Variants in VPS45 observed in about 807,000 individuals in gnomAD.
The protein encoded by VPS45 is vacuolar protein sorting 45 homolog.
In VPS45, 35 loss-of-function variants were observed where a neutral mutation model predicts 75.9. The ratio of observed to expected loss-of-function variants is 0.46; its 90% CI spans 0.35 to 0.61. VPS45 has a LOEUF of 0.61. Ranked by LOEUF, VPS45 falls within the 20% of genes least tolerant of loss-of-function variation. The probability of loss-of-function intolerance (pLI) is 0.00; values close to 1 mark genes in which losing one functional copy is unlikely to be tolerated. For missense variants in VPS45, 559 were observed against 685.9 expected (o/e 0.81, Z 2.07); for synonymous variants, 220 against 238.2 (o/e 0.92, Z 0.70).
chr1:150,110,003 T>C (rs1657555362), intron 13 of VPS45: 1 of 152,242 alleles, frequency 6.6e-6, no homozygotes, highest in African/African-American at 2.4e-5. Flanking sequence ...TTTCCATGTT[T>C]TGGGGACATC....
chr1:150,077,657 T>C lies in VPS45; in HGVS notation c.577-12T>C. 6.3e-7 allele frequency: 1 copy of C among 1,592,850 alleles called. No individual in the cohort carries two copies. Among genetic ancestry groups the C allele is most frequent in the Non-Finnish European group, 8.6e-7 (1 of 1,160,784 alleles). On this transcript the variant is annotated splice_polypyrimidine_tract_variant and intron_variant, in intron 6 of 14. Coordinates refer to ENST00000644510, the MANE Select transcript of VPS45 (RefSeq NM_007259.5). ...GATGGTTGCACAAACCATCTTTCTC[T>C]CTCACCCACAGCAAGTGATAACTAA... is the stretch of plus-strand genomic sequence containing the variant.
chr1:150,106,216 G>A (rs1657315959), intron 13 of VPS45, among the ~76,000 whole-genome samples: 1 of 152,074 alleles, frequency 6.6e-6, no homozygotes, highest in Non-Finnish European at 1.5e-5. Context: ...TTATGACAAA[G>A]ATCCCAAAAG....
intron 14 of VPS45, among the ~76,000 whole-genome samples, chr1:150,114,444 G>A (rs1553807831): frequency 6.8e-6 from 1 of 146,810 alleles, no homozygotes; most frequent in Non-Finnish European, 1.5e-5. Context: ...CTCCAGCCTG[G>A]GCAACAGAGC....
chr1:150,134,856 A>G (rs1175412728), intron 14 of VPS45, among the ~76,000 whole-genome samples: 3 of 152,186 alleles, frequency 2.0e-5, no homozygotes, highest in Non-Finnish European at 4.4e-5. Context: ...CTCAAGGAGA[A>G]ACAAGAAGAA....
intron 10 of VPS45, 91 bp downstream of exon 10, chr1:150,082,974 C>T (rs1336389511): frequency 2.3e-6 from 3 of 1,321,670 alleles, no homozygotes; most frequent in Non-Finnish European, 3.0e-6. Flanking sequence ...TCTTCATCAA[C>T]ATGGAATTTA....
intron 14 of VPS45, among the ~76,000 whole-genome samples, chr1:150,119,160 G>A (rs1658099676): frequency 6.6e-6 from 1 of 152,100 alleles, no homozygotes; most frequent in Non-Finnish European, 1.5e-5. Context: ...ACCTTTGAAT[G>A]GAAAGGCTCA....
intron 13 of VPS45, among the ~76,000 whole-genome samples, chr1:150,099,644 T>C (rs1656859970): frequency 6.6e-6 from 1 of 151,920 alleles, no homozygotes; most frequent in South Asian, 2.1e-4. Context: ...CCATCCTGGC[T>C]AACACGATAA....
intron 13 of VPS45, among the ~76,000 whole-genome samples, chr1:150,107,901 CAAA>C (rs367885029): frequency 8.0e-5 from 12 of 150,848 alleles, no homozygotes; most frequent in Admixed American, 7.3e-4. Context: ...GACTCCGTCT[CAAA>C]AAAAAAGCAA....
chr1:150,115,650 A>T (rs1657891478), intron 14 of VPS45, among the ~76,000 whole-genome samples: 1 of 152,050 alleles, frequency 6.6e-6, no homozygotes. Flanking sequence ...TTCTTCTTTC[A>T]TTTTTGCTAG....
intron 2 of VPS45, among the ~76,000 whole-genome samples, chr1:150,070,313 C>G (rs1654982328): frequency 6.6e-6 from 1 of 152,082 alleles, no homozygotes; most frequent in Admixed American, 6.5e-5. Flanking sequence ...ACTCAATAAA[C>G]AGTTGCTGAA....
At chr1:150,138,306 G>T (rs868929906) in intron 14 of VPS45, among the ~76,000 whole-genome samples, 1 of 151,990 alleles carries the variant, frequency 6.6e-6, no homozygotes, top group Non-Finnish European at 1.5e-5. Flanking sequence ...GCTATGTTGC[G>T]CAGGCTGGTC....
chr1:150,077,973 C>T (rs1198433023), intron 7 of VPS45, among the ~76,000 whole-genome samples, 194 bp downstream of exon 7: 1 of 152,154 alleles, frequency 6.6e-6, no homozygotes, highest in Non-Finnish European at 1.5e-5. Flanking sequence ...TCTGCTTCAT[C>T]TCTCCTGTAC....
intron 14 of VPS45, among the ~76,000 whole-genome samples, chr1:150,128,419 A>G (rs1329735231): frequency 1.3e-5 from 2 of 152,200 alleles, no homozygotes; most frequent in South Asian, 2.1e-4. Flanking sequence ...AGTGAAATTA[A>G]TACTTTTTGT....
chr1:150,141,320 A>G (rs1405054850), intron 14 of VPS45, among the ~76,000 whole-genome samples: 1 of 152,146 alleles, frequency 6.6e-6, no homozygotes, highest in African/African-American at 2.4e-5. Flanking sequence ...TGTCTTTGGT[A>G]TAAGAAATTC....
intron 14 of VPS45, among the ~76,000 whole-genome samples, chr1:150,131,634 A>T (rs1319247262): frequency 2.0e-5 from 3 of 151,184 alleles, no homozygotes; most frequent in African/African-American, 7.3e-5. Context: ...CAGGAGTTCG[A>T]GACCAATCTG....
intron 13 of VPS45, among the ~76,000 whole-genome samples, chr1:150,108,868 C>G (rs1657478462): frequency 6.6e-6 from 1 of 152,168 alleles, no homozygotes; most frequent in South Asian, 2.1e-4. Context: ...ATACTCACTG[C>G]TCACCTCCTG....
intron 13 of VPS45, among the ~76,000 whole-genome samples, chr1:150,102,245 A>AC (rs1657072719): frequency 6.7e-6 from 1 of 148,548 alleles, no homozygotes; most frequent in Non-Finnish European, 1.5e-5. Context: ...CAAAAAAAAA[A>AC]AAAAAAAAAC....
At chr1:150,111,426 T>C (rs1253069219) in intron 14 of VPS45, among the ~76,000 whole-genome samples, 2 of 152,194 alleles carry the variant, frequency 1.3e-5, no homozygotes, top group Non-Finnish European at 1.5e-5. Flanking sequence ...AATGCCATCA[T>C]TGTGGAAGGC....
At chr1:150,087,999 A>G (rs1237427629) in intron 10 of VPS45, among the ~76,000 whole-genome samples, 2 of 152,196 alleles carry the variant, frequency 1.3e-5, no homozygotes, top group Non-Finnish European at 2.9e-5. Flanking sequence ...CAATACATGT[A>G]TACATTGTGT....
Sources: gnomAD v4.1 joint callset for allele counts (sites outside exome capture counted in the v4.1 genomes callset) on GRCh38, gnomAD v4.1.1 for gene constraint, MANE v1.5 for transcripts, NCBI Gene and HGNC (gene_info 2026-07-23, HGNC 2026-07-21) for gene names.